UNC13A: variants seen among roughly 807,000 people sequenced by gnomAD.
The protein encoded by UNC13A is unc-13 homolog A.
UNC13A carries 61 observed loss-of-function variants against 219.7 expected under a neutral mutation model. The ratio of observed to expected loss-of-function variants is 0.28; its 90% CI spans 0.23 to 0.34. The LOEUF is 0.34. Among genes scored for constraint, UNC13A ranks in the 10% least tolerant of loss-of-function variants. The pLI is 1.00. For missense variants in UNC13A, 1,476 were observed against 2,270.3 expected, an observed-to-expected ratio of 0.65 and a Z score of 7.11; for synonymous variants, 920 against 884.6, an observed-to-expected ratio of 1.04 and a Z score of -0.71.
intron 22 of UNC13A, 64 bp downstream of exon 22, chr19:17,640,447 T>A: frequency 4.7e-6 from 7 of 1,502,722 alleles, no homozygotes; most frequent in Non-Finnish European, 6.2e-6. Context: ...AGAAGTCACA[T>A]CAGATCTGAC....
chr19:17,636,134 T>C lies in UNC13A; in HGVS notation c.3105A>G (p.Pro1035=). 1.2e-6 allele frequency: 2 copies of C among 1,603,454 alleles called. No homozygotes were observed. The highest frequency in any genetic ancestry group is 2.2e-5 in the South Asian group (2 of 89,076). The change falls in exon 26 of 44, where the codon CCA becomes CCG. Residue 1035 remains proline (P), a synonymous_variant. Transcript: ENST00000519716. The part of the protein sequence containing the change: ...TDPAKKGEVL[P]EEQGPSIKNL... Reference sequence around the variant, plus strand: ...TCTTGATGCTGGGCCCCTGTTCCTCTGGGAGAACTTCCCCCTTCTTGGCCT... The same window carrying C: ...TCTTGATGCTGGGCCCCTGTTCCTCCGGGAGAACTTCCCCCTTCTTGGCCT...
intron 4 of UNC13A, among the ~76,000 whole-genome samples, chr19:17,670,457 G>A (rs989831349): frequency 1.3e-5 from 2 of 150,452 alleles, no homozygotes; most frequent in African/African-American, 4.9e-5. Flanking sequence ...TGCCCAGGCT[G>A]GTCTGCTGAG....
chr19:17,655,757 G>T, intron 10 of UNC13A, 126 bp downstream of exon 10: 1 of 1,419,532 alleles, frequency 7.0e-7, no homozygotes, highest in Non-Finnish European at 9.1e-7. Flanking sequence ...ATCCCTTTAA[G>T]AAACCCAAGA....
At chr19:17,630,004 C>T (rs1432879795) in intron 30 of UNC13A, 141 bp downstream of exon 30, 25 of 1,003,176 alleles carry the variant, frequency 2.5e-5, no homozygotes, top group Non-Finnish European at 3.4e-5. Flanking sequence ...CAACCTCAAC[C>T]CAAACTCCAA....
intron 26 of UNC13A, among the ~76,000 whole-genome samples, chr19:17,633,979 A>C (rs1219438741): frequency 6.6e-6 from 1 of 150,830 alleles, no homozygotes. Flanking sequence ...CTATTCATCT[A>C]TCCATCCATC....
chr19:17,666,550 G>C (rs1226210420), intron 7 of UNC13A, 100 bp downstream of exon 7: 8 of 905,910 alleles, frequency 8.8e-6, no homozygotes, highest in Admixed American at 3.7e-5. Context: ...CTCAGGACTT[G>C]TATCTCCGGA....
intron 35 of UNC13A, among the ~76,000 whole-genome samples, chr19:17,624,626 C>G (rs116732372): frequency 1.3e-3 from 197 of 152,176 alleles, no homozygotes; most frequent in Middle Eastern, 6.8e-3. Flanking sequence ...GATCTTTAAC[C>G]CCTGTGTGAA....
In UNC13A at chr19:17,635,976, T is replaced by C. The variant is rs767481386; in HGVS notation, c.3215+48A>G. The C allele has an allele frequency of 3.8e-6, 6 of 1,577,244 alleles. No individual in the cohort carries two copies. The South Asian group carries it at 6.9e-5, about 18-fold the overall frequency. On this transcript the variant is annotated intron_variant, in intron 26 of 43. Coordinates refer to ENST00000519716, the MANE Select transcript of UNC13A (RefSeq NM_001080421.3). ...CACACAAGACACAAAGTTGTATACATACACACGATGACACCCAGATAATTA... is the reference window on the plus strand; with the variant it reads ...CACACAAGACACAAAGTTGTATACACACACACGATGACACCCAGATAATTA...
In UNC13A at chr19:17,603,777, A is replaced by G. The variant is rs8100532; in HGVS notation, c.*2277T>C. 86,352 of 151,230 alleles carry G rather than the reference A, an allele frequency of 0.57. 25,272 individuals carry two copies. Among genetic ancestry groups the G allele is most frequent in the African/African-American group, 0.66 (27,186 of 41,134 alleles). 9.4% of individuals were successfully genotyped at this position (151,230 alleles called of 1,614,324 possible). A position where few individuals can be genotyped will look rare whatever the true frequency, so the allele number is the denominator to read the frequency against. ...TGGGACAACTGTACTCAGCAGCCCT[A>G]GAGCTCATCTAAGGGCAGGATTTTT... On this transcript the variant is annotated 3_prime_UTR_variant, in exon 44 of 44. Coordinates refer to ENST00000519716, the MANE Select transcript of UNC13A (RefSeq NM_001080421.3).
chr19:17,610,577 T>G (rs931945563), intron 42 of UNC13A, among the ~76,000 whole-genome samples: 2 of 152,180 alleles, frequency 1.3e-5, no homozygotes, highest in African/African-American at 4.8e-5. Flanking sequence ...GTCATATGAC[T>G]ATGTTTTGGC....
At position 17,674,722 on chromosome 19, in the gene UNC13A, C is replaced by T. The variant is rs1432417964; in HGVS notation, c.87G>A (p.Gln29=). Residue 29 remains glutamine (Q), a synonymous_variant, in exon 3 of 44, where the codon CAG becomes CAA. Coordinates refer to ENST00000519716, the MANE Select transcript of UNC13A (RefSeq NM_001080421.3). The surrounding 1 kb of genome is among the most constrained non-coding windows in gnomAD (Gnocchi z 5.0). ...CCGCGATGGTCGTGCTCTTGACATT[C>T]TGCACTTTCAGGGTCACGTACGTGT... The part of the protein sequence containing the change: ...KFNTYVTLKV[Q]NVKSTTIAVR... The T allele has an allele frequency of 6.2e-7, 1 of 1,613,826 alleles. No individual in the cohort carries two copies. Among genetic ancestry groups the T allele is most frequent in the Non-Finnish European group, 8.5e-7 (1 of 1,179,888 alleles).
chr19:17,648,729 T>C, intron 15 of UNC13A, 79 bp from the exon 16 acceptor site: 6 of 1,553,852 alleles, frequency 3.9e-6, no homozygotes, highest in East Asian at 4.5e-5. Context: ...GCCCCATCAC[T>C]GAGCGCGGTA....
intron 38 of UNC13A, among the ~76,000 whole-genome samples, chr19:17,619,584 C>T (rs928754743): frequency 2.0e-4 from 31 of 151,974 alleles, no homozygotes; most frequent in African/African-American, 6.5e-4. Context: ...TGTGAGCCAC[C>T]ATATCCAGCT....
chr19:17,637,138 C>T (rs1344296684), intron 25 of UNC13A, among the ~76,000 whole-genome samples: 1 of 151,834 alleles, frequency 6.6e-6, no homozygotes, highest in African/African-American at 2.4e-5. Flanking sequence ...CCACACCTGG[C>T]TAATTTTTGT....
At chr19:17,611,099 C>T (rs867421747) in intron 42 of UNC13A, among the ~76,000 whole-genome samples, 1 of 152,216 alleles carries the variant, frequency 6.6e-6, no homozygotes, top group Admixed American at 6.5e-5. Flanking sequence ...GGCAGCAGCA[C>T]AGATCACCAA....
At chr19:17,680,072 G>A (rs2079977186) in intron 1 of UNC13A, among the ~76,000 whole-genome samples, 2 of 151,914 alleles carry the variant, frequency 1.3e-5, no homozygotes, top group African/African-American at 4.8e-5. Context: ...AGGAAAGGGG[G>A]CCGAGAGTGG....
At chr19:17,660,282 GT>G (rs11285355) in intron 8 of UNC13A, among the ~76,000 whole-genome samples, 41,163 of 148,158 alleles carry the variant, frequency 0.28, 7,180 homozygotes, top group African/African-American at 0.51. Context: ...TGTTTACCCA[GT>G]TTTTTTTTTT....
chr19:17,647,558 G>A, intron 16 of UNC13A, 66 bp from the exon 17 acceptor site: 1 of 1,491,994 alleles, frequency 6.7e-7, no homozygotes, highest in South Asian at 1.2e-5. Context: ...ACCAAGGCGA[G>A]AGCCCCGCCC....
At chr19:17,655,421 C>G in intron 10 of UNC13A, 39 bp from the exon 11 acceptor site, 1 of 1,486,132 alleles carries the variant, frequency 6.7e-7, no homozygotes, top group Non-Finnish European at 9.2e-7. Context: ...GGCTGGCTCT[C>G]CGTGACCCCT....
Sources: allele counts gnomAD v4.1 joint callset (sites outside exome capture counted in the v4.1 genomes callset), GRCh38; gene constraint gnomAD v4.1.1; non-coding constraint Gnocchi (gnomAD v3.1); transcripts MANE v1.5; gene names NCBI Gene and HGNC (gene_info 2026-07-23, HGNC 2026-07-21).